The following KYAT3 variants were observed in gnomAD, a reference collection of about 807,000 sequenced individuals.
KYAT3 encodes the protein kynurenine--oxoglutarate transaminase 3.
In KYAT3, 50 loss-of-function variants were observed where a neutral mutation model predicts 59.0. That is an observed-to-expected ratio of 0.85 (90% confidence interval 0.68 to 1.07). The LOEUF (loss-of-function observed/expected upper bound fraction) is 1.07. KYAT3 is among the 50% of genes least tolerant of loss of function. KYAT3 has a pLI of 0.00. For missense variants in KYAT3, 497 were observed against 533.3 expected (o/e 0.93, Z 0.67); for synonymous variants, 148 against 177.0 (o/e 0.84, Z 1.30).
At chr1:88,973,316 A>G (rs1676630385) in intron 2 of KYAT3, among the ~76,000 whole-genome samples, 1 of 152,222 alleles carries the variant, frequency 6.6e-6, no homozygotes, top group Non-Finnish European at 1.5e-5. Context: ...CCTAGTTTGT[A>G]GTACTTTGTT....
intron 4 of KYAT3, among the ~76,000 whole-genome samples, chr1:88,965,947 C>G (rs550301671): frequency 6.6e-6 from 1 of 152,136 alleles, no homozygotes; most frequent in African/African-American, 2.4e-5. Flanking sequence ...ACACTATATA[C>G]ATTTCTTAGA....
At chr1:88,961,118 T>C in intron 8 of KYAT3, 49 bp downstream of exon 8, 1 of 1,603,410 alleles carries the variant, frequency 6.2e-7, no homozygotes, top group South Asian at 1.1e-5. Flanking sequence ...AGTTCTTCCA[T>C]ATGTGCCCAA....
At chr1:88,964,081 T>C (rs1676248669) in intron 5 of KYAT3, among the ~76,000 whole-genome samples, 1 of 152,140 alleles carries the variant, frequency 6.6e-6, no homozygotes, top group Non-Finnish European at 1.5e-5. Flanking sequence ...CGGGCGCCTG[T>C]AATCTCAGCT....
chr1:88,983,299 T>C (rs771409439), intron 2 of KYAT3: 7 of 1,613,856 alleles, frequency 4.3e-6, no homozygotes, highest in Non-Finnish European at 5.9e-6. Context: ...TTCCTCCCAT[T>C]CCACTGCTGC....
chr1:88,972,674 C>T (rs185053268), intron 2 of KYAT3, among the ~76,000 whole-genome samples: 6 of 152,312 alleles, frequency 3.9e-5, no homozygotes, highest in Admixed American at 2.6e-4. Context: ...ATGAAACAGC[C>T]TTCACCTGGA....
At chr1:88,976,306 G>A (rs948886193) in intron 2 of KYAT3, among the ~76,000 whole-genome samples, 5 of 151,842 alleles carry the variant, frequency 3.3e-5, no homozygotes, top group African/African-American at 7.2e-5. Flanking sequence ...GCAGTAAGCC[G>A]AGATCACGCC....
At chr1:88,924,958 T>G in the KYAT3 span, among the ~76,000 whole-genome samples, 1 of 152,040 alleles carries the variant, frequency 6.6e-6, no homozygotes, top group Non-Finnish European at 1.5e-5. Context: ...TCAGAGAACA[T>G]GAGGCTTGCC....
At chr1:88,959,885 T>A (rs1441102846) in intron 8 of KYAT3, among the ~76,000 whole-genome samples, 2 of 151,104 alleles carry the variant, frequency 1.3e-5, no homozygotes, top group African/African-American at 4.8e-5. Context: ...TATAAGTGCA[T>A]TACATTTCTT....
At chr1:88,975,877 A>G in intron 2 of KYAT3, among the ~76,000 whole-genome samples, 1 of 152,056 alleles carries the variant, frequency 6.6e-6, no homozygotes, top group East Asian at 1.9e-4. Flanking sequence ...TCTACTAAAA[A>G]TACAAAAATG....
chr1:88,942,421 T>C (rs1267280001), intron 13 of KYAT3, among the ~76,000 whole-genome samples: 1 of 152,186 alleles, frequency 6.6e-6, no homozygotes, highest in East Asian at 1.9e-4. Flanking sequence ...ACTTCTTTTT[T>C]TCTTTGCTAC....
rs146108412 is a variant in KYAT3, at chr1:88,941,629, C to T, written c.1302+1376G>A. 3.9e-5 allele frequency among the ~76,000 whole-genome samples: 6 copies of T among 152,034 alleles called. No homozygotes were observed. In the East Asian group the frequency reaches 9.7e-4, roughly 24 times the overall value. ...AAGTTAGTTAACATTTCTACCTGGACGTGCTGGGCTCATGTGATCCTTGTA... is the reference window on the plus strand; with the variant it reads ...AAGTTAGTTAACATTTCTACCTGGATGTGCTGGGCTCATGTGATCCTTGTA... On this transcript the variant is annotated intron_variant, in intron 13 of 13. Transcript: ENST00000260508.
At chr1:88,926,693 T>C in the KYAT3 span, among the ~76,000 whole-genome samples, 1 of 152,170 alleles carries the variant, frequency 6.6e-6, no homozygotes, top group Admixed American at 6.5e-5. Context: ...GGGAGACTCT[T>C]GTGGAAGCAG....
chr1:88,992,426 C>T (rs7516489), intron 1 of KYAT3, among the ~76,000 whole-genome samples, 159 bp downstream of exon 1: 15,899 of 152,308 alleles, frequency 0.1, 2,760 homozygotes, highest in African/African-American at 0.36. Context: ...CCTCAAACTG[C>T]TAATCTAGGG....
At position 88,988,281 on chromosome 1, in the gene KYAT3, A is replaced by G; in HGVS notation, c.70T>C (p.Ser24Pro). The G allele has an allele frequency of 6.2e-7, 1 of 1,613,638 alleles. No homozygotes were observed. The highest frequency in any genetic ancestry group is 8.5e-7 in the Non-Finnish European group (1 of 1,179,600). ...RAKFLKTISS[S>P]KILGFSTSAK... Reference sequence around the variant, plus strand: ...GAAGTAGAGAATCCGAGGATTTTGGAAGAAGAAATTGTCTTCAGGAATTTT... The same window carrying G: ...GAAGTAGAGAATCCGAGGATTTTGGGAGAAGAAATTGTCTTCAGGAATTTT... Residue 24 changes from serine (S) to proline (P), a missense_variant, in exon 2 of 14, where the codon TCC becomes CCC. Around this residue, in one of 2 missense-constraint regions of KYAT3, gnomAD observed 469 missense variants for 479.1 expected, o/e 0.98. Coordinates refer to ENST00000260508, the MANE Select transcript of KYAT3 (RefSeq NM_001008661.3).
chr1:88,974,128 C>G (rs971435072), intron 2 of KYAT3, among the ~76,000 whole-genome samples: 2 of 152,152 alleles, frequency 1.3e-5, no homozygotes, highest in African/African-American at 4.8e-5. Flanking sequence ...GCTTGGGAAA[C>G]AGATGGATAC....
chr1:88,983,742 C>G, intron 2 of KYAT3: 1 of 1,614,054 alleles, frequency 6.2e-7, no homozygotes, highest in South Asian at 1.1e-5. Flanking sequence ...CCATATTTGC[C>G]AAATACTGTT....
At chr1:88,985,259 T>C (rs1310434564) in intron 2 of KYAT3, among the ~76,000 whole-genome samples, 2 of 152,186 alleles carry the variant, frequency 1.3e-5, no homozygotes, top group Non-Finnish European at 2.9e-5. Flanking sequence ...TCCTCACCCA[T>C]ATCAATAGGC....
At chr1:88,930,611 G>A in the KYAT3 span, among the ~76,000 whole-genome samples, 1 of 152,100 alleles carries the variant, frequency 6.6e-6, no homozygotes, top group Non-Finnish European at 1.5e-5. Flanking sequence ...AGGAACTAGC[G>A]CTCAGCTGGC....
At chr1:88,931,946 T>A (rs1674918898), downstream of KYAT3, among the ~76,000 whole-genome samples, 1 of 130,534 alleles carries the variant, frequency 7.7e-6, no homozygotes, top group African/African-American at 2.8e-5. Flanking sequence ...GGTCTCCTCA[T>A]CACAGCTCAA....
Sources: allele counts gnomAD v4.1 joint callset (sites outside exome capture counted in the v4.1 genomes callset), GRCh38; gene constraint gnomAD v4.1.1; regional missense constraint gnomAD v4.1.1; transcripts MANE v1.5; gene names NCBI Gene and HGNC (gene_info 2026-07-23, HGNC 2026-07-21).